Variants in TFIP11 observed in about 807,000 individuals in gnomAD.
The protein encoded by TFIP11 is tuftelin interacting protein 11.
A neutral mutation model predicts 96.8 loss-of-function variants in TFIP11; 86 were observed. The ratio of observed to expected loss-of-function variants is 0.89; its 90% CI spans 0.75 to 1.06. The LOEUF (loss-of-function observed/expected upper bound fraction) is 1.06. Among genes scored for constraint, TFIP11 ranks in the 50% least tolerant of loss-of-function variants. The pLI is 0.00. For missense variants in TFIP11, 881 were observed against 1,076.7 expected (o/e 0.82, Z 2.54); for synonymous variants, 405 against 395.2 (o/e 1.02, Z -0.29).
In TFIP11 at chr22:26,506,837, C is replaced by T. The variant is rs759307498; in HGVS notation, c.301G>A (p.Glu101Lys). 5.6e-6 allele frequency: 9 copies of T among 1,614,102 alleles called. No individual in the cohort carries two copies. Among genetic ancestry groups the T allele is most frequent in the East Asian group, 2.2e-5 (1 of 44,906 alleles). Reference sequence around the variant, plus strand: ...TCGTCCTGCTTAACAGGTTTCTCTTCGTCATCAGAATCTTCCAACTCTGCC... The same window carrying T: ...TCGTCCTGCTTAACAGGTTTCTCTTTGTCATCAGAATCTTCCAACTCTGCC... ...EEAELEDSDD[E>K]EKPVKQDDFP... The change falls in exon 5 of 15, where the codon GAA (glutamate) becomes AAA (lysine). Residue 101 changes from glutamate to lysine, a missense_variant. Coordinates refer to ENST00000407690, the MANE Select transcript of TFIP11 (RefSeq NM_012143.4).
intron 7 of TFIP11, among the ~76,000 whole-genome samples, chr22:26,503,396 A>C (rs751790959): frequency 2.3e-4 from 35 of 152,144 alleles, no homozygotes; most frequent in Non-Finnish European, 5.0e-4. Flanking sequence ...AAGTAGGTCA[A>C]CACCACCTCC....
At chr22:26,495,056 G>T (rs1555920380) in intron 12 of TFIP11, 117 bp from the exon 13 acceptor site, 4 of 1,373,482 alleles carry the variant, frequency 2.9e-6, no homozygotes, top group Non-Finnish European at 4.0e-6. Flanking sequence ...CCGCCTCCCG[G>T]GTTCAAGTGA....
At chr22:26,494,553 C>T (rs769478816) in intron 13 of TFIP11, 3 of 700,286 alleles carry the variant, frequency 4.3e-6, no homozygotes, top group Non-Finnish European at 7.0e-6. Flanking sequence ...GATACCATAT[C>T]CCCTACCCCA....
intron 10 of TFIP11, 144 bp from the exon 11 acceptor site, chr22:26,497,033 ATAC>A: frequency 1.0e-6 from 1 of 967,970 alleles, no homozygotes; most frequent in Non-Finnish European, 1.5e-6. Flanking sequence ...GCCAGTCACC[ATAC>A]TGGCCAGACT....
At chr22:26,495,600 A>T (rs1241608429) in intron 12 of TFIP11, among the ~76,000 whole-genome samples, 2 of 37,318 alleles carry the variant, frequency 5.4e-5, no homozygotes, top group Admixed American at 3.0e-4. Flanking sequence ...ACATATATAC[A>T]TATATATGTG....
At chr22:26,502,724 C>T (rs1264982199) in intron 7 of TFIP11, among the ~76,000 whole-genome samples, 1 of 152,196 alleles carries the variant, frequency 6.6e-6, no homozygotes, top group African/African-American at 2.4e-5. Context: ...CATCTGGCTA[C>T]TTTGGGAAAA....
chr22:26,491,275 A>ACAGTC lies in TFIP11; in HGVS notation c.*733_*737dup. ...CCTTATTTCCTTTATTCTTAGTATC[A>ACAGTC]CAGTCCATGATATCCACTGTCCTTG... On this transcript the variant is annotated 3_prime_UTR_variant, in exon 15 of 15. Coordinates refer to ENST00000407690, the MANE Select transcript of TFIP11 (RefSeq NM_012143.4). The ACAGTC allele has an allele frequency of 1.4e-6, 1 of 713,794 alleles. No homozygotes were observed. The highest frequency in any genetic ancestry group is 2.3e-6 in the Non-Finnish European group (1 of 428,258). The allele number at this position is 713,794 out of a possible 1,614,324, so 44.2% of individuals were successfully genotyped here. A position where few individuals can be genotyped will look rare whatever the true frequency, so the allele number is the denominator to read the frequency against.
At chr22:26,507,010 T>C in intron 4 of TFIP11, 82 bp from the exon 5 acceptor site, 1 of 1,501,596 alleles carries the variant, frequency 6.7e-7, no homozygotes, top group Non-Finnish European at 9.1e-7. Flanking sequence ...AACTACGTGC[T>C]TGAAGACTCC....
intron 7 of TFIP11, 54 bp downstream of exon 7, chr22:26,503,612 G>A (rs1438075646): frequency 1.3e-6 from 2 of 1,598,936 alleles, no homozygotes; most frequent in East Asian, 2.2e-5. Context: ...TAAATGAACA[G>A]CCATTAGAAA....
intron 2 of TFIP11, among the ~76,000 whole-genome samples, chr22:26,511,514 A>AGGG (rs1924058569): frequency 1.3e-5 from 2 of 152,256 alleles, no homozygotes; most frequent in African/African-American, 2.4e-5. Context: ...ACTAGGGAGT[A>AGGG]AACTTAGCAA....
chr22:26,498,640 C>A, intron 10 of TFIP11: 1 of 429,736 alleles, frequency 2.3e-6, no homozygotes, highest in Non-Finnish European at 4.2e-6. Flanking sequence ...AAAGAACTTA[C>A]TCATGTAACC....
chr22:26,504,199 G>T (rs930304881), intron 6 of TFIP11, among the ~76,000 whole-genome samples: 1 of 152,316 alleles, frequency 6.6e-6, no homozygotes, highest in East Asian at 1.9e-4. Flanking sequence ...AAGTGAAGCT[G>T]CAATTTAATA....
chr22:26,497,374 T>TA (rs1323323051), intron 10 of TFIP11, among the ~76,000 whole-genome samples: 1 of 152,194 alleles, frequency 6.6e-6, no homozygotes, highest in African/African-American at 2.4e-5. Context: ...TGCTGTACTG[T>TA]AGACAGAGGC....
intron 8 of TFIP11, among the ~76,000 whole-genome samples, chr22:26,501,053 T>G (rs930586070): frequency 6.6e-6 from 1 of 152,052 alleles, no homozygotes. Context: ...CCGGCTAATT[T>G]TTTGTATTTT....
At chr22:26,510,338 G>T in intron 3 of TFIP11, 57 bp from the exon 4 acceptor site, 1 of 1,509,662 alleles carries the variant, frequency 6.6e-7, no homozygotes, top group Non-Finnish European at 9.2e-7. Context: ...GCAGTCGAAG[G>T]ATTCCTTGTG....
chr22:26,506,181 G>A, intron 6 of TFIP11, 122 bp downstream of exon 6: 1 of 1,109,960 alleles, frequency 9.0e-7, no homozygotes, highest in Non-Finnish European at 1.2e-6. Flanking sequence ...GTCTTGTGCT[G>A]GCAAACCAGG....
rs1923078326 is a variant in TFIP11 at position 26,503,755 on chromosome 22, T to C, written c.559A>G (p.Lys187Glu). ...NPIEAKQRKG[K>E]GAVGAYGSER... ...GATCCATAAGCCCCCACAGCACCTT[T>C]TCCCTTTCTCTGCTTGGCTTCAATT... is the stretch of plus-strand genomic sequence containing the variant. Residue 187 changes from lysine (K) to glutamate (E), a missense_variant, in exon 7 of 15, where the codon AAA becomes GAA. Coordinates refer to ENST00000407690, the MANE Select transcript of TFIP11 (RefSeq NM_012143.4). 1 of 1,613,954 alleles carries C rather than the reference T, an allele frequency of 6.2e-7. No homozygotes were observed.
chr22:26,511,776 T>C (rs1569168394), intron 2 of TFIP11: 2 of 152,220 alleles, frequency 1.3e-5, no homozygotes, highest in Admixed American at 1.3e-4. Flanking sequence ...ATCTCTGCCT[T>C]CTTCTACTCA....
At chr22:26,492,420 A>C in intron 14 of TFIP11, 52 bp from the exon 15 acceptor site, 3 of 1,551,098 alleles carry the variant, frequency 1.9e-6, no homozygotes, top group Non-Finnish European at 2.7e-6. Flanking sequence ...AGGTGTATGG[A>C]AGTTGACACT....
Sources: allele counts gnomAD v4.1 joint callset (sites outside exome capture counted in the v4.1 genomes callset), GRCh38; gene constraint gnomAD v4.1.1; transcripts MANE v1.5; gene names NCBI Gene and HGNC (gene_info 2026-07-23, HGNC 2026-07-21).